The following AKAP10 variants were observed in gnomAD, a reference collection of about 807,000 sequenced individuals.
AKAP10 encodes the protein A-kinase anchoring protein 10, also known as A-kinase anchor protein 10, mitochondrial.
In AKAP10, 24 loss-of-function variants were observed where a neutral mutation model predicts 80.8. The observed-to-expected ratio is 0.30, with a 90% CI of 0.22 to 0.42. The LOEUF (loss-of-function observed/expected upper bound fraction) is 0.42. Among genes scored for constraint, AKAP10 ranks in the 10% least tolerant of loss-of-function variants. The pLI is 1.00. For missense variants in AKAP10, 661 were observed against 794.9 expected, an observed-to-expected ratio of 0.83 and a Z score of 2.03; for synonymous variants, 291 against 277.7, an observed-to-expected ratio of 1.05 and a Z score of -0.48.
intron 8 of AKAP10, 126 bp downstream of exon 8, chr17:19,939,587 G>C: frequency 9.2e-7 from 1 of 1,087,608 alleles, no homozygotes; most frequent in East Asian, 2.7e-5. Context: ...CCATATAAAA[G>C]CAGCTTTTAT....
At chr17:19,953,904 C>T (rs529239519) in intron 4 of AKAP10, among the ~76,000 whole-genome samples, 15 of 152,160 alleles carry the variant, frequency 9.9e-5, no homozygotes, top group Admixed American at 4.6e-4. Context: ...TGGTGGCACA[C>T]GCTTGTAATC....
intron 8 of AKAP10, among the ~76,000 whole-genome samples, chr17:19,938,795 G>C (rs1366339449): frequency 7.3e-5 from 11 of 151,622 alleles, no homozygotes; most frequent in Admixed American, 7.2e-4. Context: ...GAGTACAGTG[G>C]ATCACAGCTC....
At chr17:19,966,632 A>G (rs1407413703) in intron 2 of AKAP10, among the ~76,000 whole-genome samples, 2 of 152,256 alleles carry the variant, frequency 1.3e-5, no homozygotes, top group Non-Finnish European at 2.9e-5. Context: ...CAGATTATGT[A>G]CTTCATAATC....
chr17:19,973,058 C>T (rs1186997215), intron 1 of AKAP10, among the ~76,000 whole-genome samples: 2 of 152,194 alleles, frequency 1.3e-5, no homozygotes, highest in African/African-American at 4.8e-5. Context: ...CAGCTCACTG[C>T]AACCTCTGCC....
chr17:19,916,647 A>C (rs1410294926), intron 12 of AKAP10, among the ~76,000 whole-genome samples: 1 of 151,966 alleles, frequency 6.6e-6, no homozygotes. Flanking sequence ...TAAAAAAAAA[A>C]AAAAATCAGG....
intron 9 of AKAP10, chr17:19,936,039 T>A (rs892932610): frequency 8.8e-6 from 3 of 340,856 alleles, no homozygotes; most frequent in African/African-American, 6.3e-5. Context: ...TTTGTTATTA[T>A]TGCACTACCA....
At chr17:19,925,724 G>C (rs1381287172) in intron 10 of AKAP10, among the ~76,000 whole-genome samples, 1 of 151,966 alleles carries the variant, frequency 6.6e-6, no homozygotes, top group East Asian at 1.9e-4. Context: ...GGGAGGGTAG[G>C]GAAAGCGGCT....
chr17:19,907,235 C>A lies in AKAP10; in HGVS notation c.1984-1003G>T, dbSNP rs908171697. Among the ~76,000 whole-genome samples the A allele has an allele frequency of 2.0e-5, 3 of 151,984 alleles. No individual in the cohort carries two copies. The East Asian group carries it at 5.8e-4, about 29-fold the overall frequency. On this transcript the variant is annotated intron_variant, in intron 14 of 14. Transcript: ENST00000225737. Reference sequence around the variant, plus strand: ...GTTTCTCCATGTTGGTCAGGCTGGCCTTGAACTACCGATCTCAGGTGATCT... The same window carrying A: ...GTTTCTCCATGTTGGTCAGGCTGGCATTGAACTACCGATCTCAGGTGATCT...
At chr17:19,922,840 CAG>C (rs1421645867) in intron 11 of AKAP10, among the ~76,000 whole-genome samples, 1 of 152,176 alleles carries the variant, frequency 6.6e-6, no homozygotes, top group African/African-American at 2.4e-5. Context: ...ACAGAGGTTG[CAG>C]AGAGCTGAGA....
chr17:19,947,389 G>GTT lies in AKAP10; in HGVS notation c.976+16_976+17dup. 1 of 1,552,942 alleles carries GTT rather than the reference G, an allele frequency of 6.4e-7. No individual in the cohort carries two copies. Among genetic ancestry groups the GTT allele is most frequent in the Non-Finnish European group, 8.8e-7 (1 of 1,135,446 alleles). ...TTTTTGTCATTTTTTTTTTGCCATA[G>GTT]TTTCAAGCACTGCTTACCTATGATG... is the stretch of plus-strand genomic sequence containing the variant. On this transcript the variant is annotated intron_variant, in intron 5 of 14. Coordinates refer to ENST00000225737, the MANE Select transcript of AKAP10 (RefSeq NM_007202.4).
rs71157846 is a variant in AKAP10, at chr17:19,946,275, A to ATTT, written c.976+1129_976+1131dup. ...TATATATATATATATATATATATATATTTTTTTTTTTTTTTTTTTTTTTTG... is the reference window on the plus strand; with the variant it reads ...TATATATATATATATATATATATATATTTTTTTTTTTTTTTTTTTTTTTTTTTG... On this transcript the variant is annotated intron_variant, in intron 5 of 14. Coordinates refer to ENST00000225737, the MANE Select transcript of AKAP10 (RefSeq NM_007202.4). Among the ~76,000 whole-genome samples, 99 of 12,940 alleles carry ATTT rather than the reference A, an allele frequency of 7.7e-3. 17 individuals are homozygous for ATTT. The highest frequency in any genetic ancestry group is 0.011 in the Non-Finnish European group (79 of 7,308). The allele number at this position is 12,940 out of a possible 152,430, so 8.5% of individuals were successfully genotyped here.
chr17:19,958,540 C>T lies in AKAP10; in HGVS notation c.351G>A (p.Glu117=). Residue 117 remains glutamate, a synonymous_variant, in exon 4 of 15, where the codon GAG becomes GAA. Transcript: ENST00000225737. ...GRSCLDYQTQ[E]TKSSLSKTLE... is the part of the protein sequence containing the mutation. ...GGGTCTTAGAAAGGCTTGATTTGGTCTCTTGAGTCTGGTAGTCCAGACAAG... is the reference window on the plus strand; with the variant it reads ...GGGTCTTAGAAAGGCTTGATTTGGTTTCTTGAGTCTGGTAGTCCAGACAAG... 6.2e-7 allele frequency: 1 copy of T among 1,606,372 alleles called. No homozygotes were observed. Among genetic ancestry groups the T allele is most frequent in the South Asian group, 1.1e-5 (1 of 91,016 alleles).
chr17:19,977,435 TC>T (rs2043584467), intron 1 of AKAP10, among the ~76,000 whole-genome samples, 156 bp downstream of exon 1: 1 of 151,944 alleles, frequency 6.6e-6, no homozygotes, highest in Non-Finnish European at 1.5e-5. Flanking sequence ...CCCAGAAGAG[TC>T]CCGGAGCAGA....
At chr17:19,926,678 T>C (rs2042878221) in intron 10 of AKAP10, among the ~76,000 whole-genome samples, 1 of 152,150 alleles carries the variant, frequency 6.6e-6, no homozygotes, top group Non-Finnish European at 1.5e-5. Context: ...TATAATGGAA[T>C]CGAAAAGAAC....
At chr17:19,973,172 GT>G (rs2043521598) in intron 1 of AKAP10, among the ~76,000 whole-genome samples, 2 of 152,108 alleles carry the variant, frequency 1.3e-5, no homozygotes. Flanking sequence ...TAGAGACAGG[GT>G]TTCACCATGT....
chr17:19,928,642 C>T (rs993950046), intron 10 of AKAP10, among the ~76,000 whole-genome samples: 2 of 152,126 alleles, frequency 1.3e-5, no homozygotes, highest in African/African-American at 2.4e-5. Flanking sequence ...TTTGGGAGGC[C>T]GAGATGGGTG....
intron 4 of AKAP10, among the ~76,000 whole-genome samples, chr17:19,948,569 C>A (rs1157564872): frequency 6.6e-6 from 1 of 152,008 alleles, no homozygotes; most frequent in Non-Finnish European, 1.5e-5. Flanking sequence ...GTCGTGGCCA[C>A]AGAGGTTGAC....
intron 9 of AKAP10, among the ~76,000 whole-genome samples, chr17:19,935,007 G>A (rs998437262): frequency 6.6e-6 from 1 of 151,672 alleles, no homozygotes; most frequent in African/African-American, 2.4e-5. Flanking sequence ...GTGAAACTCT[G>A]TCTCAATCAA....
intron 2 of AKAP10, among the ~76,000 whole-genome samples, 176 bp from the exon 3 acceptor site, chr17:19,963,198 G>C (rs531928163): frequency 6.7e-6 from 1 of 148,338 alleles, no homozygotes; most frequent in Admixed American, 6.9e-5. Context: ...TGGAAAATAG[G>C]AAAGAAAACA....
Sources: allele counts gnomAD v4.1 joint callset (sites outside exome capture counted in the v4.1 genomes callset), GRCh38; gene constraint gnomAD v4.1.1; transcripts MANE v1.5; gene names NCBI Gene and HGNC (gene_info 2026-07-23, HGNC 2026-07-21).